The following ROBO1 variants were observed in gnomAD, a reference collection of about 807,000 sequenced individuals.
ROBO1 encodes roundabout guidance receptor 1.
A neutral mutation model predicts 195.9 loss-of-function variants in ROBO1; 149 were observed. The observed-to-expected ratio is 0.76, with a 90% CI of 0.67 to 0.87. ROBO1 has a LOEUF of 0.87. Ranked by LOEUF, ROBO1 falls within the 40% of genes least tolerant of loss-of-function variation. The pLI is 0.00. For missense variants in ROBO1, 1,933 were observed against 2,068.3 expected (o/e 0.93, Z 1.27); for synonymous variants, 816 against 733.2 (o/e 1.11, Z -1.82).
intron 2 of ROBO1, among the ~76,000 whole-genome samples, chr3:79,333,471 C>T (rs1300204277): frequency 6.6e-6 from 1 of 151,990 alleles, no homozygotes; most frequent in African/African-American, 2.4e-5. Context: ...CATGCGTAAC[C>T]ATGTAAATCA....
At chr3:79,528,424 ACATTTGCTT>A (rs1941522554) in intron 2 of ROBO1, among the ~76,000 whole-genome samples, 1 of 152,192 alleles carries the variant, frequency 6.6e-6, no homozygotes, top group Admixed American at 6.6e-5. Flanking sequence ...AAACACCATT[ACATTTGCTT>A]CATCTGCATT....
At chr3:79,122,782 G>A (rs1443596828) in intron 3 of ROBO1, among the ~76,000 whole-genome samples, 1 of 151,880 alleles carries the variant, frequency 6.6e-6, no homozygotes, top group Non-Finnish European at 1.5e-5. Flanking sequence ...GAATTTTAGT[G>A]AAATAATGAT....
intron 8 of ROBO1, among the ~76,000 whole-genome samples, chr3:78,710,449 T>C (rs1423406063): frequency 6.6e-6 from 1 of 152,228 alleles, no homozygotes; most frequent in East Asian, 1.9e-4. Context: ...GATCTAGAAT[T>C]ATCTAAAACT....
intron 2 of ROBO1, among the ~76,000 whole-genome samples, chr3:79,546,964 G>C (rs1228918479): frequency 6.6e-6 from 1 of 151,874 alleles, no homozygotes; most frequent in Non-Finnish European, 1.5e-5. Flanking sequence ...GGCGGATCAC[G>C]AGGTCAGGAG....
intron 4 of ROBO1, among the ~76,000 whole-genome samples, chr3:78,830,408 A>T (rs1159782384): frequency 6.6e-6 from 1 of 152,226 alleles, no homozygotes; most frequent in Non-Finnish European, 1.5e-5. Context: ...CACGCTGCTA[A>T]TAGGGACAAA....
At chr3:79,696,911 T>A (rs1947465393) in intron 1 of ROBO1, among the ~76,000 whole-genome samples, 1 of 151,488 alleles carries the variant, frequency 6.6e-6, no homozygotes, top group African/African-American at 2.4e-5. Flanking sequence ...AAAAATGTTG[T>A]TTCTGGTTTC....
At chr3:78,828,176 G>A (rs913959493) in intron 4 of ROBO1, among the ~76,000 whole-genome samples, 2 of 152,132 alleles carry the variant, frequency 1.3e-5, no homozygotes, top group Non-Finnish European at 2.9e-5. Flanking sequence ...AAATCTGACT[G>A]AAATATTAAT....
intron 1 of ROBO1, among the ~76,000 whole-genome samples, chr3:79,699,272 A>T (rs1287471060): frequency 6.6e-6 from 1 of 151,250 alleles, no homozygotes; most frequent in African/African-American, 2.4e-5. Flanking sequence ...ATGGTATGGA[A>T]TTTTTCTGAG....
intron 2 of ROBO1, among the ~76,000 whole-genome samples, chr3:79,498,222 T>A (rs1939854229): frequency 6.6e-6 from 1 of 152,212 alleles, no homozygotes; most frequent in African/African-American, 2.4e-5. Flanking sequence ...TTTTATTGTA[T>A]TATATCTGTT....
intron 2 of ROBO1, among the ~76,000 whole-genome samples, chr3:79,464,685 T>C (rs1937855166): frequency 6.6e-6 from 1 of 152,222 alleles, no homozygotes; most frequent in South Asian, 2.1e-4. Flanking sequence ...TCCCATTATT[T>C]TTCATCTTTT....
chr3:79,012,011 A>C (rs935601786), intron 3 of ROBO1, among the ~76,000 whole-genome samples: 1 of 152,146 alleles, frequency 6.6e-6, no homozygotes, highest in Non-Finnish European at 1.5e-5. Flanking sequence ...AGCTGTCCCC[A>C]GCTCTCAGGT....
At chr3:79,486,651 T>C (rs570146669) in intron 2 of ROBO1, among the ~76,000 whole-genome samples, 2 of 152,140 alleles carry the variant, frequency 1.3e-5, no homozygotes, top group Non-Finnish European at 2.9e-5. Flanking sequence ...CCCAGCAAAA[T>C]TTTTAGGTAG....
intron 2 of ROBO1, among the ~76,000 whole-genome samples, chr3:79,281,170 A>G: frequency 6.6e-6 from 1 of 152,220 alleles, no homozygotes; most frequent in Non-Finnish European, 1.5e-5. Flanking sequence ...TCTTTGATTG[A>G]ATTAATATAG....
At chr3:79,755,419 A>G (rs890039297) in intron 1 of ROBO1, among the ~76,000 whole-genome samples, 1 of 152,114 alleles carries the variant, frequency 6.6e-6, no homozygotes, top group Admixed American at 6.6e-5. Flanking sequence ...TCTGAAAACA[A>G]AAAACAAAAC....
chr3:79,040,853 T>G (rs1300115381), intron 3 of ROBO1, among the ~76,000 whole-genome samples: 2 of 152,116 alleles, frequency 1.3e-5, no homozygotes, highest in Non-Finnish European at 2.9e-5. Flanking sequence ...CTTCAATATG[T>G]CATAACTGCT....
At chr3:79,639,728 T>C (rs1422792240) in intron 1 of ROBO1, among the ~76,000 whole-genome samples, 3 of 152,190 alleles carry the variant, frequency 2.0e-5, no homozygotes, top group Non-Finnish European at 4.4e-5. Flanking sequence ...CTATGATATT[T>C]ATCAACAAAG....
At chr3:79,632,614 C>T (rs1242416769) in intron 1 of ROBO1, among the ~76,000 whole-genome samples, 1 of 151,984 alleles carries the variant, frequency 6.6e-6, no homozygotes, top group Non-Finnish European at 1.5e-5. Context: ...AAATGTATCC[C>T]CTGAATCTAT....
chr3:78,665,080 TG>T (rs1707655019), intron 14 of ROBO1, among the ~76,000 whole-genome samples: 1 of 152,196 alleles, frequency 6.6e-6, no homozygotes, highest in Admixed American at 6.5e-5. Flanking sequence ...CCTAGATCCT[TG>T]AATGTCTTTT....
chr3:78,948,536 T>C (rs190866367), intron 3 of ROBO1, among the ~76,000 whole-genome samples: 1 of 152,138 alleles, frequency 6.6e-6, no homozygotes, highest in Non-Finnish European at 1.5e-5. Context: ...GAGTTATCTA[T>C]GACAAACCCA....
Sources: allele counts gnomAD v4.1 joint callset (sites outside exome capture counted in the v4.1 genomes callset), GRCh38; gene constraint gnomAD v4.1.1; transcripts MANE v1.5; gene names NCBI Gene and HGNC (gene_info 2026-07-23, HGNC 2026-07-21).